ARHGAP28: variants seen among roughly 807,000 people sequenced by gnomAD.
The protein encoded by ARHGAP28 is Rho GTPase activating protein 28, also known as rho GTPase-activating protein 28.
ARHGAP28 carries 56 observed loss-of-function variants against 90.7 expected under a neutral mutation model. That is an observed-to-expected ratio of 0.62 (90% CI 0.50 to 0.77). The LOEUF (loss-of-function observed/expected upper bound fraction) is 0.77. ARHGAP28 is among the 30% of genes least tolerant of loss of function. The pLI is 0.00. For synonymous variants in ARHGAP28, 308 were observed against 323.3 expected (o/e 0.95, Z 0.51); for missense variants, 869 against 900.9 (o/e 0.96, Z 0.45).
chr18:6,832,682 T>G (rs1567962889), intron 2 of ARHGAP28, among the ~76,000 whole-genome samples: 3 of 152,176 alleles, frequency 2.0e-5, no homozygotes, highest in South Asian at 4.1e-4. Context: ...TTCCCTGTCT[T>G]GAAGTCTGCT....
chr18:6,835,200 T>C (rs2056744097), intron 2 of ARHGAP28, among the ~76,000 whole-genome samples: 1 of 152,080 alleles, frequency 6.6e-6, no homozygotes, highest in Admixed American at 6.5e-5. Flanking sequence ...AAGTACTCTT[T>C]CCTCCCACTC....
At chr18:6,861,060 T>G (rs1268289717) in intron 5 of ARHGAP28, among the ~76,000 whole-genome samples, 1 of 152,220 alleles carries the variant, frequency 6.6e-6, no homozygotes, top group Non-Finnish European at 1.5e-5. Context: ...TCACAAAGTC[T>G]GGTAACTGTT....
intron 16 of ARHGAP28, among the ~76,000 whole-genome samples, chr18:6,904,246 T>C (rs187815086): frequency 6.6e-6 from 1 of 152,106 alleles, no homozygotes. Flanking sequence ...ATATAAAAAT[T>C]AGCTGGGCGT....
chr18:6,760,608 T>TA (rs2056151471), intron 1 of ARHGAP28, among the ~76,000 whole-genome samples: 1 of 152,216 alleles, frequency 6.6e-6, no homozygotes, highest in Admixed American at 6.5e-5. Flanking sequence ...CTTAGCAAGG[T>TA]AAAAGATTTC....
intron 10 of ARHGAP28, among the ~76,000 whole-genome samples, chr18:6,878,432 A>G (rs898410618): frequency 1.1e-4 from 17 of 151,862 alleles, no homozygotes; most frequent in Non-Finnish European, 2.9e-5. Context: ...CCAGCATGGC[A>G]CATGTATACA....
chr18:6,745,600 G>T (rs573134766), intron 1 of ARHGAP28, among the ~76,000 whole-genome samples: 4 of 151,884 alleles, frequency 2.6e-5, no homozygotes, highest in Non-Finnish European at 5.9e-5. Context: ...CATCTCCCTC[G>T]CCCCAGACAT....
chr18:6,908,172 C>G (rs2057374458), intron 16 of ARHGAP28, among the ~76,000 whole-genome samples: 1 of 151,538 alleles, frequency 6.6e-6, no homozygotes, highest in African/African-American at 2.4e-5. Context: ...GAGTTTCACT[C>G]TGTCGCCCAG....
chr18:6,807,236 A>C (rs1178682389), intron 1 of ARHGAP28, among the ~76,000 whole-genome samples: 1 of 152,174 alleles, frequency 6.6e-6, no homozygotes, highest in Non-Finnish European at 1.5e-5. Context: ...ATGCAGAATA[A>C]AGTTGTAATA....
chr18:6,770,265 T>C (rs969370321), intron 1 of ARHGAP28, among the ~76,000 whole-genome samples: 4 of 152,192 alleles, frequency 2.6e-5, no homozygotes, highest in Non-Finnish European at 5.9e-5. Context: ...ATATATGGGC[T>C]CAAATAAGGA....
At chr18:6,899,449 A>C (rs1730782021) in intron 16 of ARHGAP28, among the ~76,000 whole-genome samples, 1 of 152,172 alleles carries the variant, frequency 6.6e-6, no homozygotes, top group Non-Finnish European at 1.5e-5. Flanking sequence ...GCTCTAAGGA[A>C]AGCCTAGCCA....
At chr18:6,877,988 G>A (rs908470480) in intron 10 of ARHGAP28, among the ~76,000 whole-genome samples, 3 of 152,022 alleles carry the variant, frequency 2.0e-5, no homozygotes, top group Non-Finnish European at 2.9e-5. Flanking sequence ...GTGTGTGTGT[G>A]TATGTATGTG....
chr18:6,813,448 A>G (rs1026226633), intron 1 of ARHGAP28, among the ~76,000 whole-genome samples: 18 of 152,186 alleles, frequency 1.2e-4, no homozygotes, highest in African/African-American at 4.3e-4. Context: ...AGAGAGCTTT[A>G]CATACATTTT....
At chr18:6,909,736 T>C (rs1377590218) in intron 17 of ARHGAP28, among the ~76,000 whole-genome samples, 1 of 152,118 alleles carries the variant, frequency 6.6e-6, no homozygotes, top group African/African-American at 2.4e-5. Context: ...AAATTCATTC[T>C]TTCTATTTCC....
intron 1 of ARHGAP28, among the ~76,000 whole-genome samples, chr18:6,779,330 T>A (rs1440418841): frequency 6.6e-6 from 1 of 152,184 alleles, no homozygotes; most frequent in Non-Finnish European, 1.5e-5. Flanking sequence ...TCCTCCTCCA[T>A]CTGCTGATTA....
intron 1 of ARHGAP28, among the ~76,000 whole-genome samples, chr18:6,770,409 C>T (rs897564324): frequency 1.3e-5 from 2 of 152,170 alleles, no homozygotes; most frequent in Admixed American, 6.5e-5. Flanking sequence ...AAAAGCTGAC[C>T]GGTGCATTGG....
chr18:6,912,086 T>C lies in ARHGAP28; in HGVS notation c.2122T>C (p.Tyr708His). ...AGAGCATTGCTTGGATCCAGATGCT[T>C]ATATATTGGATGTATATCGTATAAA... ...IGEHCLDPDA[Y>H]ILDVYRINPQ... Residue 708 changes from tyrosine (Y) to histidine (H), a missense_variant, in exon 18 of 18, where the codon TAT (tyrosine) becomes CAT (histidine). Transcript: ENST00000383472. 6.2e-7 allele frequency: 1 copy of C among 1,606,862 alleles called. No individual in the cohort carries two copies. Among genetic ancestry groups the C allele is most frequent in the South Asian group, 1.1e-5 (1 of 89,720 alleles).
chr18:6,762,496 C>T (rs377419609), intron 1 of ARHGAP28, among the ~76,000 whole-genome samples: 8 of 152,212 alleles, frequency 5.3e-5, no homozygotes, highest in Admixed American at 4.6e-4. Flanking sequence ...TCAATTCACG[C>T]ACGATATTCC....
rs561160284 is a variant in ARHGAP28, at chr18:6,783,553, A to G, written c.123-41209A>G. ...TGACCTCAGGTGATCTGCCTGCCTCAGCCTCCCAAAGTGCTGGGATTACAG... is the reference window on the plus strand; with the variant it reads ...TGACCTCAGGTGATCTGCCTGCCTCGGCCTCCCAAAGTGCTGGGATTACAG... On this transcript the variant is annotated intron_variant, in intron 1 of 17. Coordinates refer to ENST00000383472, the MANE Select transcript of ARHGAP28 (RefSeq NM_001366230.1). Among the ~76,000 whole-genome samples, 204 of 144,264 alleles carry G rather than the reference A, an allele frequency of 1.4e-3. 1 individual carries two copies. The highest frequency in any genetic ancestry group is 2.3e-3 in the Non-Finnish European group (155 of 67,946). The allele number at this position is 144,264 out of a possible 152,430, so 94.6% of individuals were successfully genotyped here. A position where few individuals can be genotyped will look rare whatever the true frequency, so the allele number is the denominator to read the frequency against.
intron 16 of ARHGAP28, among the ~76,000 whole-genome samples, chr18:6,900,231 G>A (rs1450568738): frequency 6.6e-6 from 1 of 151,818 alleles, no homozygotes; most frequent in Non-Finnish European, 1.5e-5. Flanking sequence ...AAGCCCCAGA[G>A]TCTCAACATA....
Sources: allele counts gnomAD v4.1 joint callset (sites outside exome capture counted in the v4.1 genomes callset), GRCh38; gene constraint gnomAD v4.1.1; transcripts MANE v1.5; gene names NCBI Gene and HGNC (gene_info 2026-07-23, HGNC 2026-07-21).